PDPR: variants seen among roughly 807,000 people sequenced by gnomAD.
PDPR encodes pyruvate dehydrogenase phosphatase regulatory subunit, mitochondrial.
Under a neutral mutation model 102.2 loss-of-function variants are expected in PDPR, and 50 were observed. The observed-to-expected ratio is 0.49, with a 90% confidence interval of 0.39 to 0.62. PDPR has a LOEUF of 0.62. PDPR is among the 20% of genes least tolerant of loss of function. The pLI, the probability that PDPR is intolerant of heterozygous loss-of-function variation, is 0.00. For missense variants in PDPR, 625 were observed against 1,098.2 expected, an observed-to-expected ratio of 0.57 and a Z score of 6.09; for synonymous variants, 259 against 406.0, an observed-to-expected ratio of 0.64 and a Z score of 4.35.
At chr16:70,145,964 G>A (rs538205459) in intron 15 of PDPR, 170 bp from the exon 16 acceptor site, 343 of 608,470 alleles carry the variant, frequency 5.6e-4, no homozygotes, top group Non-Finnish European at 9.0e-4. Flanking sequence ...AGGTGTATTC[G>A]CCAGAATCGG....
chr16:70,124,177 A>G (rs1252426848), intron 3 of PDPR, among the ~76,000 whole-genome samples: 1 of 152,280 alleles, frequency 6.6e-6, no homozygotes, highest in African/African-American at 2.4e-5. Flanking sequence ...AGCCTGCCCA[A>G]CATGGGGAAA....
chr16:70,153,068 G>A (rs938554880), intron 17 of PDPR, among the ~76,000 whole-genome samples: 17 of 152,272 alleles, frequency 1.1e-4, no homozygotes, highest in African/African-American at 4.1e-4. Context: ...ATGATGATGA[G>A]ATTGGCCATT....
chr16:70,139,870 A>C (rs558821202), intron 11 of PDPR, among the ~76,000 whole-genome samples: 8 of 152,384 alleles, frequency 5.2e-5, no homozygotes, highest in Non-Finnish European at 1.0e-4. Flanking sequence ...TTGCAAGTAA[A>C]CTGTTAGTTT....
Position 70,159,746 on chromosome 16 carries a change from A to G in PDPR, c.*2867A>G, listed in dbSNP as rs1357129351. The stretch of plus-strand genomic sequence containing the variant: ...TATCAGAGCATTCTGGACTCCTGAG[A>G]GGCAGTGGCCTCTTGAGTGAACAGG... On this transcript the variant is annotated 3_prime_UTR_variant, in exon 19 of 19. Coordinates refer to ENST00000288050, the MANE Select transcript of PDPR (RefSeq NM_017990.5). The G allele has an allele frequency of 6.5e-6, 1 of 152,764 alleles. No homozygotes were observed. The highest frequency in any genetic ancestry group is 2.4e-5 in the African/African-American group (1 of 41,488). The allele number at this position is 152,764 out of a possible 1,614,324, so 9.5% of individuals were successfully genotyped here.
chr16:70,125,156 C>G (rs1389329035), intron 3 of PDPR, among the ~76,000 whole-genome samples: 5 of 152,220 alleles, frequency 3.3e-5, no homozygotes, highest in African/African-American at 1.2e-4. Context: ...GCGGGTGGAT[C>G]ATCTAAGGTC....
chr16:70,151,501 T>C (rs939743725), intron 17 of PDPR, among the ~76,000 whole-genome samples: 1 of 152,290 alleles, frequency 6.6e-6, no homozygotes, highest in Non-Finnish European at 1.5e-5. Flanking sequence ...GAAGAGATTG[T>C]TCAAGACTTG....
At chr16:70,120,988 C>A (rs1963203855) in intron 3 of PDPR, among the ~76,000 whole-genome samples, 1 of 123,114 alleles carries the variant, frequency 8.1e-6, no homozygotes, top group East Asian at 2.5e-4. Context: ...CAGGATCTCG[C>A]TTTCTTACCC....
chr16:70,120,414 A>G, intron 2 of PDPR, 47 bp from the exon 3 acceptor site: 1 of 936,998 alleles, frequency 1.1e-6, no homozygotes, highest in Non-Finnish European at 1.7e-6. Context: ...CATTAATCCC[A>G]TGCACTGAGT....
chr16:70,159,036 A>C lies in PDPR; in HGVS notation c.*2157A>C, dbSNP rs1435876829. 6.6e-6 allele frequency: 1 copy of C among 152,382 alleles called. No individual in the cohort carries two copies. Among genetic ancestry groups the C allele is most frequent in the Non-Finnish European group, 1.5e-5 (1 of 68,102 alleles). 9.4% of individuals were successfully genotyped at this position (152,382 alleles called of 1,614,324 possible). A position where few individuals can be genotyped will look rare whatever the true frequency, so the allele number is the denominator to read the frequency against. ...CACTTACCAGGATCCAAATCGAAAT[A>C]ATAAAAGCTGTCTCCATAGTTTAAA... On this transcript the variant is annotated 3_prime_UTR_variant, in exon 19 of 19. Coordinates refer to ENST00000288050, the MANE Select transcript of PDPR (RefSeq NM_017990.5).
At chr16:70,152,166 C>G (rs992461317) in intron 17 of PDPR, among the ~76,000 whole-genome samples, 1 of 152,282 alleles carries the variant, frequency 6.6e-6, no homozygotes, top group African/African-American at 2.4e-5. Flanking sequence ...AGGTGTTTCC[C>G]TTACACACAT....
At chr16:70,114,145 G>C (rs1436852834), upstream of PDPR, 3 of 152,326 alleles carry the variant, frequency 2.0e-5, no homozygotes, top group East Asian at 1.9e-4. Context: ...GGCCGCGGGG[G>C]CGGTGCCTCG....
chr16:70,156,817 T>C lies in PDPR; in HGVS notation c.2578T>C (p.Ser860Pro), dbSNP rs751336572. 2 of 1,614,048 alleles carry C rather than the reference T, an allele frequency of 1.2e-6. No homozygotes were observed. Among genetic ancestry groups the C allele is most frequent in the Admixed American group, 1.7e-5 (1 of 60,014 alleles). Reference protein sequence around the residue: ...QAKAKLYPVASLFTQKRRKDD... With the variant: ...QAKAKLYPVAPLFTQKRRKDD... ...CAAGGCCAAGCTCTACCCTGTCGCC[T>C]CCCTCTTCACCCAGAAGCGCCGAAA... is the stretch of plus-strand genomic sequence containing the variant. The change falls in exon 19 of 19, where the codon TCC becomes CCC. Residue 860 changes from serine (S) to proline (P), a missense_variant. Ser to Pro is a moderately conservative substitution (Grantham distance 74). Coordinates refer to ENST00000288050, the MANE Select transcript of PDPR (RefSeq NM_017990.5).
chr16:70,142,873 AG>A (rs1965874117), intron 13 of PDPR, among the ~76,000 whole-genome samples, 187 bp downstream of exon 13: 1 of 152,284 alleles, frequency 6.6e-6, no homozygotes, highest in African/African-American at 2.4e-5. Flanking sequence ...AGCCTGGCCA[AG>A]ATGGTGAAAC....
intron 18 of PDPR, among the ~76,000 whole-genome samples, chr16:70,155,013 G>A (rs1415892417): frequency 6.6e-6 from 1 of 152,114 alleles, no homozygotes; most frequent in Non-Finnish European, 1.5e-5. Context: ...CCAACATGGT[G>A]AAACCCCGTA....
At position 70,129,717 on chromosome 16, in the gene PDPR, C is replaced by T. The variant is rs535870332; in HGVS notation, c.607+595C>T. On this transcript the variant is annotated intron_variant, in intron 6 of 18. Coordinates refer to ENST00000288050, the MANE Select transcript of PDPR (RefSeq NM_017990.5). ...ACTTGAGAAGCTCAAGGTGAAAACA[C>T]ACCTTGGAAGTTTAATCCACACCTG... is the stretch of plus-strand genomic sequence containing the variant. Among the ~76,000 whole-genome samples, 509 of 152,292 alleles carry T rather than the reference C, an allele frequency of 3.3e-3. 1 individual carries two copies. Among genetic ancestry groups the T allele is most frequent in the African/African-American group, 0.012 (480 of 41,504 alleles).
At position 70,156,673 on chromosome 16, in the gene PDPR, G is replaced by A. The variant is rs769864545; in HGVS notation, c.2434G>A (p.Val812Ile). The change falls in exon 19 of 19, where the codon GTT becomes ATT. Residue 812 changes from valine (V) to isoleucine (I), a missense_variant. Val to Ile is a conservative substitution (Grantham distance 29). Around this residue, in one of 11 missense-constraint regions of PDPR, gnomAD observed 303 missense variants for 258.9 expected, o/e 1.17. Coordinates refer to ENST00000288050, the MANE Select transcript of PDPR (RefSeq NM_017990.5). ...SAYSYSLERH[V>I]CLGFVHNFSE... ...CTACAGCTACAGCCTGGAGCGCCAC[G>A]TTTGCCTGGGCTTTGTGCACAATTT... 38 of 1,613,982 alleles carry A rather than the reference G, an allele frequency of 2.4e-5. No individual in the cohort carries two copies. The highest frequency in any genetic ancestry group is 1.6e-4 in the Middle Eastern group (1 of 6,082).
At position 70,156,800 on chromosome 16, in the gene PDPR, AGCTCTACCCTGTC is replaced by A. The variant is rs760466469; in HGVS notation, c.2564_2576del (p.Leu855ProfsTer15). On this transcript the variant is annotated frameshift_variant, in exon 19 of 19. Coordinates refer to ENST00000288050, the MANE Select transcript of PDPR (RefSeq NM_017990.5). LOFTEE classifies it high-confidence loss of function. ...GGATACCGCTTCCAGGCCAAGGCCA[AGCTCTACCCTGTC>A]GCCTCCCTCTTCACCCAGAAGCGCC... 1 of 1,614,076 alleles carries A rather than the reference AGCTCTACCCTGTC, an allele frequency of 6.2e-7. No homozygotes were observed. Among genetic ancestry groups the A allele is most frequent in the Non-Finnish European group, 8.5e-7 (1 of 1,179,906 alleles).
chr16:70,124,856 C>G (rs1963756804), intron 3 of PDPR, among the ~76,000 whole-genome samples: 1 of 152,236 alleles, frequency 6.6e-6, no homozygotes, highest in African/African-American at 2.4e-5. Flanking sequence ...CATGCTGACA[C>G]AGATGTTAGT....
intron 13 of PDPR, 101 bp from the exon 14 acceptor site, chr16:70,143,409 C>T (rs1317459363): frequency 5.1e-5 from 73 of 1,419,364 alleles, no homozygotes; most frequent in Non-Finnish European, 6.5e-5. Flanking sequence ...TGGGAATTGG[C>T]TGATTGAATT....
Sources: allele counts gnomAD v4.1 joint callset (sites outside exome capture counted in the v4.1 genomes callset), GRCh38; gene constraint gnomAD v4.1.1; regional missense constraint gnomAD v4.1.1; transcripts MANE v1.5; gene names NCBI Gene and HGNC (gene_info 2026-07-23, HGNC 2026-07-21).